FRMD4B: variants seen among roughly 807,000 people sequenced by gnomAD.
The protein encoded by FRMD4B is FERM domain-containing protein 4B.
A neutral mutation model predicts 141.5 loss-of-function variants in FRMD4B; 74 were observed. The observed-to-expected ratio is 0.52, with a 90% CI of 0.43 to 0.63. The LOEUF is 0.63. FRMD4B is among the 30% of genes least tolerant of loss of function. The pLI, the probability that FRMD4B is intolerant of heterozygous loss-of-function variation, is 0.00. For missense variants in FRMD4B, 1,366 were observed against 1,253.4 expected, an observed-to-expected ratio of 1.09 and a Z score of -1.36; for synonymous variants, 506 against 467.9, an observed-to-expected ratio of 1.08 and a Z score of -1.05.
intron 11 of FRMD4B, among the ~76,000 whole-genome samples, chr3:69,214,845 C>G (rs1212718051): frequency 1.3e-5 from 2 of 151,320 alleles, no homozygotes; most frequent in African/African-American, 2.4e-5. Context: ...CAAGGGAACA[C>G]AGCGAGACTC....
In FRMD4B at chr3:69,460,357, T is replaced by TA. The variant is rs549259905; in HGVS notation, c.-128-27597_-128-27596insT. Among the ~76,000 whole-genome samples the TA allele has an allele frequency of 2.0e-3, 310 of 152,264 alleles. 1 individual carries two copies. Among genetic ancestry groups the TA allele is most frequent in the African/African-American group, 7.1e-3 (293 of 41,542 alleles). On this transcript the variant is annotated intron_variant, in intron 1 of 5. Coordinates refer to the FRMD4B transcript ENST00000459638. ...TTTTTAACAGAAGGTAGTAGCATCT[T>TA]TAGAGAGACACGGTGATGCAGTAGG... is the stretch of plus-strand genomic sequence containing the variant.
chr3:69,186,973 G>A (rs567949252), intron 19 of FRMD4B, among the ~76,000 whole-genome samples: 228 of 152,292 alleles, frequency 1.5e-3, no homozygotes, highest in African/African-American at 5.3e-3. Context: ...TCATTGCCCT[G>A]ATAATATTTA....
In FRMD4B at chr3:69,250,697, G is replaced by C. The variant is rs1175772286; in HGVS notation, c.502-598C>G. 9.4e-5 allele frequency among the ~76,000 whole-genome samples: 14 copies of C among 149,234 alleles called. No homozygotes were observed. The South Asian group carries it at 3.0e-3, about 32-fold the overall frequency. ...TAAAATTCTGTTGATTTATATTGAA[G>C]TTCGAGGAACTCTAATTTATCAGTT... is the stretch of plus-strand genomic sequence containing the variant. On this transcript the variant is annotated intron_variant, in intron 5 of 22. Coordinates refer to ENST00000398540, the MANE Select transcript of FRMD4B (RefSeq NM_015123.3).
intron 1 of FRMD4B, among the ~76,000 whole-genome samples, chr3:69,503,818 C>T (rs780561514): frequency 2.5e-4 from 38 of 152,158 alleles, no homozygotes; most frequent in Non-Finnish European, 5.0e-4. Context: ...CAGACCATCC[C>T]ACTGCACTAC....
intron 2 of FRMD4B, among the ~76,000 whole-genome samples, chr3:69,391,762 C>T (rs1283759718): frequency 6.6e-6 from 1 of 152,154 alleles, no homozygotes; most frequent in Non-Finnish European, 1.5e-5. Context: ...TGTGATGTGA[C>T]GTGGAAGCAA....
At chr3:69,224,873 T>C (rs1490435566) in intron 7 of FRMD4B, among the ~76,000 whole-genome samples, 183 bp from the exon 8 acceptor site, 1 of 143,174 alleles carries the variant, frequency 7.0e-6, no homozygotes, top group South Asian at 2.5e-4. Flanking sequence ...TATGATGAGA[T>C]GTTGAAGTTT....
At chr3:69,292,815 CTTTT>C (rs35818040) in intron 4 of FRMD4B, among the ~76,000 whole-genome samples, 2 of 120,938 alleles carry the variant, frequency 1.7e-5, no homozygotes, top group Admixed American at 9.3e-5. Context: ...TTTTTTCAGC[CTTTT>C]TTTTTTTTTT....
At chr3:69,527,297 C>T (rs1462284087) in intron 1 of FRMD4B, among the ~76,000 whole-genome samples, 4 of 152,118 alleles carry the variant, frequency 2.6e-5, no homozygotes, top group Non-Finnish European at 5.9e-5. Flanking sequence ...GTGAGGAGTC[C>T]TTTCCTGGTT....
At chr3:69,442,949 C>T (rs1030041184) in intron 1 of FRMD4B, among the ~76,000 whole-genome samples, 7 of 152,184 alleles carry the variant, frequency 4.6e-5, no homozygotes, top group Non-Finnish European at 8.8e-5. Context: ...TGGCAAAGAG[C>T]TTCTGAAATT....
At chr3:69,331,662 T>C (rs1159615927) in intron 1 of FRMD4B, among the ~76,000 whole-genome samples, 5 of 152,132 alleles carry the variant, frequency 3.3e-5, no homozygotes, top group African/African-American at 1.2e-4. Context: ...AAAATGGAGA[T>C]ACTAAAAGCA....
chr3:69,481,592 G>C (rs919841221), intron 1 of FRMD4B, among the ~76,000 whole-genome samples: 3 of 152,096 alleles, frequency 2.0e-5, no homozygotes, highest in African/African-American at 7.2e-5. Flanking sequence ...GGTACTCAGG[G>C]GCTCAAATGC....
intron 7 of FRMD4B, 21 bp from the exon 8 acceptor site, chr3:69,224,711 G>A (rs372617247): frequency 7.1e-5 from 84 of 1,176,506 alleles, no homozygotes; most frequent in Non-Finnish European, 1.0e-4. Flanking sequence ...ATGGAATATG[G>A]TAATGTCAGG....
chr3:69,517,173 AT>A (rs1953452783), intron 1 of FRMD4B, among the ~76,000 whole-genome samples: 1 of 152,158 alleles, frequency 6.6e-6, no homozygotes, highest in South Asian at 2.1e-4. Flanking sequence ...TCTGTTAAAC[AT>A]TTTTAAAAAA....
chr3:69,221,530 C>G lies in FRMD4B; in HGVS notation c.731+328G>C, dbSNP rs143886082. Among the ~76,000 whole-genome samples, 457 of 152,306 alleles carry G rather than the reference C, an allele frequency of 3.0e-3. 2 individuals carry two copies. The highest frequency in any genetic ancestry group is 6.1e-3 in the Admixed American group (93 of 15,298). ...CAGCTTCTCCTGGAAAACAAAGGAT[C>G]TGGCAACATTATGCCTGAATTCTAA... On this transcript the variant is annotated intron_variant, in intron 9 of 22. Transcript: ENST00000398540.
chr3:69,375,535 G>A (rs1273229208), intron 1 of FRMD4B, among the ~76,000 whole-genome samples: 2 of 152,114 alleles, frequency 1.3e-5, no homozygotes, highest in African/African-American at 4.8e-5. Context: ...GGTGAGTTAC[G>A]ATTTGAATTC....
At position 69,181,466 on chromosome 3, in the gene FRMD4B, C is replaced by T; in HGVS notation, c.2284G>A (p.Gly762Ser). Reference sequence around the variant, plus strand: ...TTCTGTTTCTTTGACCTCCTCCGACCCCTGGTGCGAGTGTCCAGGGTCTGG... The same window carrying T: ...TTCTGTTTCTTTGACCTCCTCCGACTCCTGGTGCGAGTGTCCAGGGTCTGG... ...TTQTLDTRTR[G>S]RRRSKKQNVS... Residue 762 changes from glycine to serine, a missense_variant, in exon 21 of 23, where the codon GGT becomes AGT. By Grantham distance (56) the Gly-to-Ser change is moderately conservative. Transcript: ENST00000398540. 6.2e-7 allele frequency: 1 copy of T among 1,613,880 alleles called. No individual in the cohort carries two copies. Among genetic ancestry groups the T allele is most frequent in the Non-Finnish European group, 8.5e-7 (1 of 1,179,864 alleles).
chr3:69,309,601 T>C (rs1701507473), intron 3 of FRMD4B, among the ~76,000 whole-genome samples: 1 of 137,772 alleles, frequency 7.3e-6, no homozygotes, highest in Non-Finnish European at 1.5e-5. Flanking sequence ...TCACCATACC[T>C]GGCTGATTTT....
chr3:69,373,410 C>T (rs1474400681), intron 1 of FRMD4B, among the ~76,000 whole-genome samples: 3 of 152,192 alleles, frequency 2.0e-5, no homozygotes, highest in Admixed American at 6.5e-5. Context: ...TTAGACACAT[C>T]TAAGCTCCAA....
intron 2 of FRMD4B, among the ~76,000 whole-genome samples, chr3:69,412,736 A>G (rs888267325): frequency 6.6e-6 from 1 of 151,750 alleles, no homozygotes; most frequent in African/African-American, 2.4e-5. Flanking sequence ...AAGTTTTACC[A>G]TTGGAAAGGG....
Sources: gnomAD v4.1 joint callset for allele counts (sites outside exome capture counted in the v4.1 genomes callset) on GRCh38, gnomAD v4.1.1 for gene constraint, MANE v1.5 for transcripts, NCBI Gene and HGNC (gene_info 2026-07-23, HGNC 2026-07-21) for gene names.